TOX: variants seen among roughly 807,000 people sequenced by gnomAD.
TOX encodes the protein thymocyte selection-associated high mobility group box protein TOX.
TOX carries 11 observed loss-of-function variants against 53.7 expected under a neutral mutation model. The observed-to-expected ratio is 0.20, with a 90% CI of 0.13 to 0.34. The LOEUF (loss-of-function observed/expected upper bound fraction) is 0.34. Ranked by LOEUF, TOX falls within the 10% of genes least tolerant of loss-of-function variation. The probability of loss-of-function intolerance (pLI) is 1.00; values close to 1 mark genes in which losing one functional copy is unlikely to be tolerated. For missense variants in TOX, 570 were observed against 664.6 expected, an observed-to-expected ratio of 0.86 and a Z score of 1.56; for synonymous variants, 225 against 245.3, an observed-to-expected ratio of 0.92 and a Z score of 0.77.
At chr8:58,937,405 T>G (rs1024908025) in intron 3 of TOX, among the ~76,000 whole-genome samples, 2 of 152,178 alleles carry the variant, frequency 1.3e-5, no homozygotes, top group Non-Finnish European at 2.9e-5. Context: ...AGGAAGCTCC[T>G]GATAGGGAAA....
chr8:59,035,620 C>A (rs1814444713), intron 1 of TOX, among the ~76,000 whole-genome samples: 1 of 152,214 alleles, frequency 6.6e-6, no homozygotes, highest in Admixed American at 6.5e-5. Context: ...CTATAAATAA[C>A]CACTCAATTT....
intron 3 of TOX, among the ~76,000 whole-genome samples, chr8:58,896,180 C>G (rs149881400): frequency 1.3e-5 from 2 of 152,064 alleles, no homozygotes; most frequent in African/African-American, 4.8e-5. Context: ...CACAGACAGA[C>G]GAATCAGGCC....
chr8:59,118,971 T>A lies in TOX; in HGVS notation c.17A>T (p.Tyr6Phe). 1 of 1,603,996 alleles carries A rather than the reference T, an allele frequency of 6.2e-7. No individual in the cohort carries two copies. Among genetic ancestry groups the A allele is most frequent in the African/African-American group, 1.4e-5 (1 of 73,768 alleles). The change falls in exon 1 of 9, where the codon TAT becomes TTT. Residue 6 changes from tyrosine (Y) to phenylalanine (F), a missense_variant. Tyr to Phe is a conservative substitution (Grantham distance 22). Transcript: ENST00000361421. This position sits in a 1 kb window ranked among gnomAD's most constrained non-coding sequence, Gnocchi z 4.1. ...AGCGGCGGGCTGGGCTGGAGGTGGATAAAATCTTACGTCCATTTCACTCTC... is the reference window on the plus strand; with the variant it reads ...AGCGGCGGGCTGGGCTGGAGGTGGAAAAAATCTTACGTCCATTTCACTCTC... MDVRF[Y>F]PPPAQPAAAP...
intron 1 of TOX, among the ~76,000 whole-genome samples, chr8:59,012,389 A>G (rs913299793): frequency 6.6e-6 from 1 of 152,006 alleles, no homozygotes; most frequent in African/African-American, 2.4e-5. Flanking sequence ...GAGAGGCCCA[A>G]GGGAGTGGAG....
Position 59,117,857 on chromosome 8 carries a change from C to G in TOX, c.102+1029G>C, listed in dbSNP as rs1805133235. On this transcript the variant is annotated intron_variant, in intron 1 of 8. Transcript: ENST00000361421. The surrounding 1 kb of genome is among the most constrained non-coding windows in gnomAD (Gnocchi z 4.6). ...ATTCTCTCTGCCAACGTTCATCCAA[C>G]GGGACTGCTTAGACACGTCCAACTA... Among the ~76,000 whole-genome samples the G allele has an allele frequency of 1.3e-5, 2 of 152,360 alleles. No individual in the cohort carries two copies. The highest frequency in any genetic ancestry group is 1.3e-4 in the Admixed American group (2 of 15,312).
At chr8:59,009,523 C>T (rs1211186476) in intron 1 of TOX, among the ~76,000 whole-genome samples, 4 of 152,110 alleles carry the variant, frequency 2.6e-5, no homozygotes, top group Non-Finnish European at 5.9e-5. Flanking sequence ...CAGAAGTGTG[C>T]CTCCACACCT....
intron 1 of TOX, among the ~76,000 whole-genome samples, chr8:59,013,672 G>T (rs1361699404): frequency 6.6e-6 from 1 of 152,202 alleles, no homozygotes; most frequent in Non-Finnish European, 1.5e-5. Context: ...GCCTCCCAAA[G>T]TGCTGGGATT....
intron 1 of TOX, among the ~76,000 whole-genome samples, chr8:59,036,273 T>C (rs1049197264): frequency 2.0e-5 from 3 of 152,112 alleles, no homozygotes; most frequent in Admixed American, 2.0e-4. Flanking sequence ...AAATGCAGTA[T>C]CTAAAGGCAT....
chr8:58,973,948 C>T (rs757255771), intron 1 of TOX, among the ~76,000 whole-genome samples: 1 of 152,218 alleles, frequency 6.6e-6, no homozygotes. Flanking sequence ...CAGTCATGCA[C>T]CACCATGCCT....
intron 3 of TOX, among the ~76,000 whole-genome samples, chr8:58,913,469 G>A (rs916224002): frequency 6.6e-6 from 1 of 152,094 alleles, no homozygotes; most frequent in African/African-American, 2.4e-5. Context: ...GACAGTGTTC[G>A]TACAGCACTT....
At chr8:58,865,883 G>A (rs1811093113) in intron 3 of TOX, among the ~76,000 whole-genome samples, 1 of 116,960 alleles carries the variant, frequency 8.5e-6, no homozygotes, top group East Asian at 2.6e-4. Context: ...CGTCCAGGCT[G>A]GAGTGCAGTG....
intron 3 of TOX, among the ~76,000 whole-genome samples, chr8:58,897,239 C>A (rs775664532): frequency 1.1e-4 from 17 of 152,158 alleles, no homozygotes; most frequent in Admixed American, 2.0e-4. Context: ...ACCACTCACA[C>A]CCTACTCTAT....
intron 1 of TOX, among the ~76,000 whole-genome samples, chr8:59,101,946 G>A (rs888186485): frequency 2.0e-5 from 3 of 152,182 alleles, no homozygotes; most frequent in African/African-American, 7.2e-5. Context: ...GAAGATGGGA[G>A]AGCCTGGCTG....
intron 1 of TOX, among the ~76,000 whole-genome samples, chr8:59,109,640 C>A (rs1376210079): frequency 6.6e-6 from 1 of 152,078 alleles, no homozygotes; most frequent in Non-Finnish European, 1.5e-5. Flanking sequence ...ATGATTAGCA[C>A]ATTATGTGAA....
At chr8:58,983,184 C>A (rs979687224) in intron 1 of TOX, among the ~76,000 whole-genome samples, 3 of 152,254 alleles carry the variant, frequency 2.0e-5, no homozygotes, top group Admixed American at 6.5e-5. Context: ...TCACTGACAG[C>A]AGACACTGTG....
At chr8:58,860,942 T>C (rs1411546777) in intron 3 of TOX, among the ~76,000 whole-genome samples, 2 of 152,244 alleles carry the variant, frequency 1.3e-5, no homozygotes, top group South Asian at 4.1e-4. Flanking sequence ...CAGGAGGTTA[T>C]GGCGTATAGC....
intron 5 of TOX, among the ~76,000 whole-genome samples, chr8:58,827,139 C>T (rs558576793): frequency 1.2e-4 from 18 of 151,922 alleles, no homozygotes; most frequent in African/African-American, 4.3e-4. Context: ...TTACATAAAA[C>T]ATATGAAAGG....
chr8:59,050,160 T>C (rs771031023), intron 1 of TOX, among the ~76,000 whole-genome samples: 6 of 152,168 alleles, frequency 3.9e-5, no homozygotes, highest in African/African-American at 1.2e-4. Context: ...TTTCACGCAT[T>C]GTGACAATTT....
chr8:58,935,541 A>G (rs1464722924), intron 3 of TOX, among the ~76,000 whole-genome samples: 1 of 152,210 alleles, frequency 6.6e-6, no homozygotes, highest in African/African-American at 2.4e-5. Context: ...GTTAGCTTTT[A>G]TTAGTTGTTC....
Sources: allele counts gnomAD v4.1 joint callset (sites outside exome capture counted in the v4.1 genomes callset), GRCh38; gene constraint gnomAD v4.1.1; non-coding constraint Gnocchi (gnomAD v3.1); transcripts MANE v1.5; gene names NCBI Gene and HGNC (gene_info 2026-07-23, HGNC 2026-07-21).